The following TAS2R1 variants were observed in gnomAD, a reference collection of about 807,000 sequenced individuals.
TAS2R1 encodes taste receptor type 2 member 1.
For missense variants in TAS2R1, 370 were observed against 353.4 expected (o/e 1.05, Z -0.38); for synonymous variants, 141 against 134.2 (o/e 1.05, Z -0.35).
chr5:9,702,590 G>A (rs1561383544), intron 1 of TAS2R1, among the ~76,000 whole-genome samples: 1 of 152,180 alleles, frequency 6.6e-6, no homozygotes, highest in Non-Finnish European at 1.5e-5. Context: ...TTGTCAAGCA[G>A]AAACTATGAG....
At chr5:9,814,219 T>G in the TAS2R1 span, among the ~76,000 whole-genome samples, 3 of 152,202 alleles carry the variant, frequency 2.0e-5, no homozygotes, top group Non-Finnish European at 4.4e-5. Context: ...TGGCTAGACA[T>G]CTGTAGGTTT....
the TAS2R1 span, among the ~76,000 whole-genome samples, chr5:9,763,098 C>A: frequency 6.6e-6 from 1 of 152,170 alleles, no homozygotes; most frequent in Non-Finnish European, 1.5e-5. Flanking sequence ...AAAATAACAT[C>A]TATATTGAAA....
the TAS2R1 span, among the ~76,000 whole-genome samples, chr5:9,765,876 G>A: frequency 2.0e-5 from 3 of 152,184 alleles, no homozygotes; most frequent in African/African-American, 7.2e-5. Flanking sequence ...TAGATTACCC[G>A]AAGACAAAAG....
chr5:9,702,166 G>C (rs1741502110), intron 1 of TAS2R1, among the ~76,000 whole-genome samples: 1 of 152,152 alleles, frequency 6.6e-6, no homozygotes, highest in Non-Finnish European at 1.5e-5. Context: ...ATCTATCAAA[G>C]ACCTGTCCAA....
At chr5:9,661,612 T>C (rs1413480635) in intron 1 of TAS2R1, among the ~76,000 whole-genome samples, 3 of 152,222 alleles carry the variant, frequency 2.0e-5, no homozygotes, top group African/African-American at 4.8e-5. Flanking sequence ...AAGTCTATTT[T>C]TAAGATCCCT....
the TAS2R1 span, among the ~76,000 whole-genome samples, chr5:9,780,697 G>A: frequency 1.6e-4 from 25 of 152,254 alleles, no homozygotes; most frequent in Middle Eastern, 3.4e-3. Flanking sequence ...GTGTGCGCGC[G>A]CGCGCGCATG....
chr5:9,852,948 G>T, the TAS2R1 span, among the ~76,000 whole-genome samples: 1 of 152,132 alleles, frequency 6.6e-6, no homozygotes, highest in Non-Finnish European at 1.5e-5. Context: ...AAGTTTTCTA[G>T]CTGAGCTAGT....
intron 2 of TAS2R1, among the ~76,000 whole-genome samples, chr5:9,644,430 A>G (rs1229058758): frequency 6.6e-6 from 1 of 152,102 alleles, no homozygotes; most frequent in Non-Finnish European, 1.5e-5. Context: ...TGAGGGAAAG[A>G]GAGGAATCAA....
the TAS2R1 span, among the ~76,000 whole-genome samples, chr5:9,824,177 C>T: frequency 5.3e-5 from 8 of 152,198 alleles, no homozygotes; most frequent in Admixed American, 5.2e-4. Flanking sequence ...GCCTGACTCC[C>T]CTTAGTCAAG....
the TAS2R1 span, among the ~76,000 whole-genome samples, chr5:9,845,327 A>G: frequency 2.0e-5 from 3 of 152,254 alleles, no homozygotes; most frequent in Non-Finnish European, 2.9e-5. Flanking sequence ...ACAGATTAAC[A>G]TGTGTTATTA....
At chr5:9,643,157 G>T (rs899804207) in intron 2 of TAS2R1, among the ~76,000 whole-genome samples, 1 of 152,124 alleles carries the variant, frequency 6.6e-6, no homozygotes, top group African/African-American at 2.4e-5. Context: ...TAATCACAGG[G>T]ATAGGGGATA....
the TAS2R1 span, among the ~76,000 whole-genome samples, chr5:9,791,846 C>T: frequency 3.9e-5 from 6 of 152,148 alleles, no homozygotes; most frequent in South Asian, 2.1e-4. Context: ...ATGTAGAGGA[C>T]GCATGCAGAT....
the TAS2R1 span, among the ~76,000 whole-genome samples, chr5:9,877,267 T>C: frequency 6.6e-6 from 1 of 152,218 alleles, no homozygotes; most frequent in Non-Finnish European, 1.5e-5. Flanking sequence ...CCCCAAACCA[T>C]GTTTTCCACT....
chr5:9,880,711 C>T, the TAS2R1 span, among the ~76,000 whole-genome samples: 7 of 152,216 alleles, frequency 4.6e-5, no homozygotes, highest in Admixed American at 1.3e-4. Context: ...CAACAACAGA[C>T]GCTGGGATAC....
the TAS2R1 span, among the ~76,000 whole-genome samples, chr5:9,814,146 A>C: frequency 2.0e-5 from 3 of 152,220 alleles, no homozygotes; most frequent in Non-Finnish European, 4.4e-5. Flanking sequence ...TTGCTGAGGT[A>C]TGCAGCCCCC....
chr5:9,642,391 T>G (rs1225556577), intron 2 of TAS2R1, among the ~76,000 whole-genome samples: 1 of 152,200 alleles, frequency 6.6e-6, no homozygotes, highest in African/African-American at 2.4e-5. Flanking sequence ...AAATAGACTC[T>G]GAGCAAACCA....
chr5:9,695,534 A>C lies in TAS2R1; in HGVS notation c.-242+16638T>G, dbSNP rs79838068. ...TGGGCCTAGATGCTGCATTTTGAAG[A>C]TCTGAAGATGGACAAACCTTTCTCT... On this transcript the variant is annotated intron_variant, in intron 1 of 2. Coordinates refer to the TAS2R1 transcript ENST00000506620. Among the ~76,000 whole-genome samples the C allele has an allele frequency of 2.0e-3, 306 of 152,192 alleles. 2 individuals are homozygous for C. Among genetic ancestry groups the C allele is most frequent in the African/African-American group, 6.7e-3 (280 of 41,494 alleles).
the TAS2R1 span, among the ~76,000 whole-genome samples, chr5:9,722,640 T>G: frequency 6.6e-6 from 1 of 152,200 alleles, no homozygotes; most frequent in African/African-American, 2.4e-5. Flanking sequence ...TTACTTGTAT[T>G]CAGTAGCTAT....
chr5:9,671,846 C>G (rs1232355393), intron 1 of TAS2R1, among the ~76,000 whole-genome samples: 1 of 151,622 alleles, frequency 6.6e-6, no homozygotes, highest in Non-Finnish European at 1.5e-5. Context: ...CAATCCTAAG[C>G]AAAAAAAATA....
Sources: allele counts gnomAD v4.1 joint callset (sites outside exome capture counted in the v4.1 genomes callset), GRCh38; gene constraint gnomAD v4.1.1; transcripts MANE v1.5; gene names NCBI Gene and HGNC (gene_info 2026-07-23, HGNC 2026-07-21).